EPN2: variants seen among roughly 807,000 people sequenced by gnomAD.
EPN2 encodes epsin-2.
A neutral mutation model predicts 61.7 loss-of-function variants in EPN2; 34 were observed. That is an observed-to-expected ratio of 0.55 (90% CI 0.42 to 0.73). EPN2 has a LOEUF of 0.73. Among genes scored for constraint, EPN2 ranks in the 30% least tolerant of loss-of-function variants. The pLI is 0.00. For synonymous variants in EPN2, 349 were observed against 353.6 expected (o/e 0.99, Z 0.15); for missense variants, 714 against 839.2 (o/e 0.85, Z 1.84).
rs1343226565 is a variant in EPN2 at position 19,237,704 on chromosome 17, C to G, written c.-294+173C>G. On this transcript the variant is annotated intron_variant, in intron 1 of 10. Transcript: ENST00000314728. ...CCCTACGCCAGGCTCTGGGGGATCC[C>G]CTTCTTTCCAACCAGGCCCCGCCCC... Among the ~76,000 whole-genome samples the G allele has an allele frequency of 2.6e-5, 4 of 152,098 alleles. No homozygotes were observed. In the South Asian group the frequency reaches 6.2e-4, roughly 24 times the overall value.
At chr17:19,242,912 A>G (rs2044900703) in intron 1 of EPN2, among the ~76,000 whole-genome samples, 1 of 152,206 alleles carries the variant, frequency 6.6e-6, no homozygotes, top group Admixed American at 6.5e-5. Flanking sequence ...TGCACGTTGC[A>G]GCAGCTCGAT....
rs530028730 is a variant in EPN2, at chr17:19,287,959, G to A, written c.766+2169G>A. Among the ~76,000 whole-genome samples, 15 of 152,180 alleles carry A rather than the reference G, an allele frequency of 9.9e-5. No homozygotes were observed. In the South Asian group the frequency reaches 3.1e-3, roughly 32 times the overall value. ...CTTGAATTGTCCATCTTGTTCCATG[G>A]CCTCAATTCAGTGCCAGCCTTCTGA... On this transcript the variant is annotated intron_variant, in intron 4 of 10. Coordinates refer to ENST00000314728, the MANE Select transcript of EPN2 (RefSeq NM_014964.5).
rs550643932 is a variant in EPN2 at position 19,243,636 on chromosome 17, G to A, written c.-294+6105G>A. ...TCTCGATCTCCTGACCTTGTGATCCGCCTGCCTCGGCCTCCCAAACTGCTG... is the reference window on the plus strand; with the variant it reads ...TCTCGATCTCCTGACCTTGTGATCCACCTGCCTCGGCCTCCCAAACTGCTG... On this transcript the variant is annotated intron_variant, in intron 1 of 10. Coordinates refer to ENST00000314728, the MANE Select transcript of EPN2 (RefSeq NM_014964.5). 7.2e-5 allele frequency among the ~76,000 whole-genome samples: 11 copies of A among 151,958 alleles called. No homozygotes were observed. In the South Asian group the frequency reaches 2.1e-3, roughly 29 times the overall value.
At chr17:19,244,470 A>C (rs115256557) in intron 1 of EPN2, among the ~76,000 whole-genome samples, 1 of 152,066 alleles carries the variant, frequency 6.6e-6, no homozygotes, top group Non-Finnish European at 1.5e-5. Context: ...AAAAAAAAAA[A>C]AAAGAAAGAA....
chr17:19,239,150 TTTTA>T (rs1354372908), intron 1 of EPN2, among the ~76,000 whole-genome samples: 1 of 152,226 alleles, frequency 6.6e-6, no homozygotes, highest in Non-Finnish European at 1.5e-5. Context: ...CTTTTAAATT[TTTTA>T]TTTATTTATT....
At chr17:19,303,050 C>G (rs1254382544) in intron 4 of EPN2, among the ~76,000 whole-genome samples, 1 of 152,178 alleles carries the variant, frequency 6.6e-6, no homozygotes, top group East Asian at 1.9e-4. Flanking sequence ...CAGTCGCTTT[C>G]CTGGGTGGAA....
intron 7 of EPN2, among the ~76,000 whole-genome samples, chr17:19,318,778 C>A (rs1288775981): frequency 6.6e-6 from 1 of 151,848 alleles, no homozygotes; most frequent in Non-Finnish European, 1.5e-5. Context: ...GGGGTTCTCA[C>A]GTGGAAGCCT....
At chr17:19,238,124 C>T (rs996660758) in intron 1 of EPN2, among the ~76,000 whole-genome samples, 1 of 152,218 alleles carries the variant, frequency 6.6e-6, no homozygotes, top group African/African-American at 2.4e-5. Context: ...ACTCCCCAGC[C>T]CCCACTCCCA....
At chr17:19,290,738 C>T (rs1011500261) in intron 4 of EPN2, among the ~76,000 whole-genome samples, 4 of 120,650 alleles carry the variant, frequency 3.3e-5, no homozygotes, top group African/African-American at 9.3e-5. Flanking sequence ...AAAAGGAAGG[C>T]AGGCAGAATA....
intron 1 of EPN2, among the ~76,000 whole-genome samples, chr17:19,277,882 C>T (rs1286040903): frequency 6.6e-6 from 1 of 152,064 alleles, no homozygotes; most frequent in Non-Finnish European, 1.5e-5. Flanking sequence ...ACCATCCTGG[C>T]TAACACGGTG....
chr17:19,307,848 G>A (rs957860509), intron 4 of EPN2: 2 of 933,322 alleles, frequency 2.1e-6, no homozygotes, highest in Non-Finnish European at 2.6e-6. Flanking sequence ...TTGCATTTAG[G>A]CCTCTTCCCC....
intron 7 of EPN2, among the ~76,000 whole-genome samples, chr17:19,325,156 G>A (rs1906812222): frequency 6.6e-6 from 1 of 152,236 alleles, no homozygotes; most frequent in Non-Finnish European, 1.5e-5. Context: ...GGCTTTGCTA[G>A]TAAGTACTAA....
intron 1 of EPN2, among the ~76,000 whole-genome samples, chr17:19,274,845 G>A (rs2045290568): frequency 7.0e-6 from 1 of 143,096 alleles, no homozygotes; most frequent in African/African-American, 2.8e-5. Flanking sequence ...TGCCTCCTGG[G>A]GCATAACCCT....
At chr17:19,260,860 AAGAT>A (rs1181852954) in intron 1 of EPN2, among the ~76,000 whole-genome samples, 4 of 152,240 alleles carry the variant, frequency 2.6e-5, no homozygotes, top group East Asian at 3.9e-4. Context: ...CAGTAAATGA[AAGAT>A]AGCATTCTGT....
At chr17:19,250,653 G>C (rs1275264903) in intron 1 of EPN2, among the ~76,000 whole-genome samples, 1 of 152,114 alleles carries the variant, frequency 6.6e-6, no homozygotes, top group Non-Finnish European at 1.5e-5. Flanking sequence ...GCCATCTCTA[G>C]TTGGGGCTTG....
chr17:19,275,468 T>A (rs1048455180), intron 1 of EPN2, among the ~76,000 whole-genome samples: 3 of 152,238 alleles, frequency 2.0e-5, no homozygotes, highest in African/African-American at 7.2e-5. Flanking sequence ...CTGTGGCTGC[T>A]TCAATCATAG....
chr17:19,249,082 C>A (rs903155192), intron 1 of EPN2, among the ~76,000 whole-genome samples: 1 of 152,152 alleles, frequency 6.6e-6, no homozygotes, highest in African/African-American at 2.4e-5. Context: ...GCAGGACAGG[C>A]GAGCTTGGTG....
At chr17:19,301,907 C>T (rs113539852) in intron 4 of EPN2, among the ~76,000 whole-genome samples, 3 of 152,196 alleles carry the variant, frequency 2.0e-5, no homozygotes, top group Non-Finnish European at 2.9e-5. Flanking sequence ...TGTGGGTGTG[C>T]GCATGTAACT....
chr17:19,277,802 G>A (rs765392261), intron 1 of EPN2, among the ~76,000 whole-genome samples: 10 of 152,232 alleles, frequency 6.6e-5, no homozygotes, highest in Non-Finnish European at 1.5e-4. Context: ...GCCGGGCGCG[G>A]TGGCTCACGC....
Sources: gnomAD v4.1 joint callset for allele counts (sites outside exome capture counted in the v4.1 genomes callset) on GRCh38, gnomAD v4.1.1 for gene constraint, MANE v1.5 for transcripts, NCBI Gene and HGNC (gene_info 2026-07-23, HGNC 2026-07-21) for gene names.